The following ZBTB20 variants were observed in gnomAD, a reference collection of about 807,000 sequenced individuals.
ZBTB20 encodes the protein zinc finger and BTB domain containing 20.
Under a neutral mutation model 56.9 loss-of-function variants are expected in ZBTB20, and 9 were observed. The observed-to-expected ratio is 0.16, with a 90% CI of 0.10 to 0.28. The LOEUF is 0.28. ZBTB20 is among the 10% of genes least tolerant of loss of function. The pLI is 1.00. For synonymous variants in ZBTB20, 417 were observed against 420.7 expected, an observed-to-expected ratio of 0.99 and a Z score of 0.11; for missense variants, 655 against 1,003.0, an observed-to-expected ratio of 0.65 and a Z score of 4.69.
chr3:114,576,501 C>CAAAA (rs61714991), intron 6 of ZBTB20, among the ~76,000 whole-genome samples: 1 of 24,112 alleles, frequency 4.1e-5, no homozygotes, highest in Non-Finnish European at 7.7e-5. Flanking sequence ...GACTCCGTCT[C>CAAAA]AAAAAAAAAA....
chr3:114,578,225 AGTGT>A (rs1383151679), intron 6 of ZBTB20, among the ~76,000 whole-genome samples: 10 of 152,254 alleles, frequency 6.6e-5, no homozygotes, highest in African/African-American at 2.4e-4. Context: ...GAAAGAATTG[AGTGT>A]ATTGGAAGGT....
chr3:114,932,153 T>G (rs2076383100), intron 3 of ZBTB20, among the ~76,000 whole-genome samples: 1 of 152,226 alleles, frequency 6.6e-6, no homozygotes, highest in Non-Finnish European at 1.5e-5. Flanking sequence ...GCCAGGGCCT[T>G]TGCACTGATT....
intron 2 of ZBTB20, among the ~76,000 whole-genome samples, chr3:115,049,702 T>C (rs937935708): frequency 6.6e-6 from 1 of 152,092 alleles, no homozygotes; most frequent in Non-Finnish European, 1.5e-5. Flanking sequence ...AGGCAAACTG[T>C]TTAGTCAATG....
intron 6 of ZBTB20, among the ~76,000 whole-genome samples, chr3:114,643,781 C>G (rs1239368682): frequency 6.6e-6 from 1 of 152,038 alleles, no homozygotes; most frequent in Non-Finnish European, 1.5e-5. Context: ...ATTGGCATGA[C>G]TGAAGTACAG....
At chr3:115,097,460 TAA>T (rs967128587) in intron 1 of ZBTB20, among the ~76,000 whole-genome samples, 5 of 151,664 alleles carry the variant, frequency 3.3e-5, no homozygotes, top group African/African-American at 1.2e-4. Flanking sequence ...CTATTTTTTT[TAA>T]AAAAAATCTA....
chr3:115,007,222 A>G (rs2079510323), intron 2 of ZBTB20, among the ~76,000 whole-genome samples: 1 of 151,774 alleles, frequency 6.6e-6, no homozygotes, highest in African/African-American at 2.4e-5. Flanking sequence ...TGATAAAATC[A>G]AGTGAAATAT....
intron 5 of ZBTB20, among the ~76,000 whole-genome samples, chr3:114,753,771 C>G (rs1439035334): frequency 6.6e-6 from 1 of 151,966 alleles, no homozygotes; most frequent in African/African-American, 2.4e-5. Context: ...TGTTCCTTTC[C>G]TACCCCATTA....
intron 3 of ZBTB20, among the ~76,000 whole-genome samples, chr3:114,924,751 A>G (rs1479854387): frequency 2.0e-5 from 3 of 152,114 alleles, no homozygotes; most frequent in African/African-American, 7.2e-5. Flanking sequence ...TGTCAATTAA[A>G]TATTTTTAAA....
intron 8 of ZBTB20, among the ~76,000 whole-genome samples, chr3:114,386,800 A>G (rs2085189908): frequency 6.6e-6 from 1 of 152,098 alleles, no homozygotes; most frequent in Non-Finnish European, 1.5e-5. Flanking sequence ...ACTAATCAAC[A>G]TATGTGTTCT....
chr3:115,064,974 G>A (rs929619533), intron 2 of ZBTB20, among the ~76,000 whole-genome samples: 6 of 152,018 alleles, frequency 3.9e-5, no homozygotes, highest in Non-Finnish European at 1.5e-5. Context: ...CTTCCAAACT[G>A]GAACCTTTGG....
chr3:114,423,658 T>G (rs1034294864), intron 7 of ZBTB20, among the ~76,000 whole-genome samples: 2 of 152,166 alleles, frequency 1.3e-5, no homozygotes, highest in African/African-American at 4.8e-5. Context: ...TTGAGTTGAG[T>G]TATAAAATTA....
intron 3 of ZBTB20, among the ~76,000 whole-genome samples, chr3:114,907,619 C>T (rs1576293381): frequency 6.6e-6 from 1 of 151,910 alleles, no homozygotes; most frequent in East Asian, 1.9e-4. Context: ...GTCTATGTTC[C>T]CTGCAAGACC....
chr3:114,986,958 C>G (rs1037316700), intron 2 of ZBTB20, among the ~76,000 whole-genome samples: 10 of 152,214 alleles, frequency 6.6e-5, no homozygotes, highest in African/African-American at 1.9e-4. Context: ...GTACTCTATG[C>G]TTCTGACATC....
chr3:114,489,533 AT>A (rs1490658537), intron 7 of ZBTB20, among the ~76,000 whole-genome samples: 1 of 152,158 alleles, frequency 6.6e-6, no homozygotes, highest in Admixed American at 6.5e-5. Context: ...ATAATATTGA[AT>A]TAAAATGGGA....
intron 1 of ZBTB20, among the ~76,000 whole-genome samples, chr3:115,139,002 T>A (rs1432199053): frequency 6.6e-6 from 1 of 152,060 alleles, no homozygotes; most frequent in East Asian, 1.9e-4. Flanking sequence ...ATTATTTGCA[T>A]GCATTGAAGC....
chr3:114,510,126 A>G (rs1240086848), intron 6 of ZBTB20, among the ~76,000 whole-genome samples: 4 of 152,190 alleles, frequency 2.6e-5, no homozygotes, highest in Non-Finnish European at 4.4e-5. Flanking sequence ...TGAGACCTCA[A>G]AAATAAGGCT....
chr3:114,614,310 G>T (rs184126068), intron 6 of ZBTB20, among the ~76,000 whole-genome samples: 2 of 151,038 alleles, frequency 1.3e-5, no homozygotes, highest in Non-Finnish European at 2.9e-5. Flanking sequence ...ATATATCAGA[G>T]ATTTGGCTCT....
intron 6 of ZBTB20, among the ~76,000 whole-genome samples, chr3:114,602,009 T>C (rs1404879075): frequency 6.6e-6 from 1 of 152,016 alleles, no homozygotes; most frequent in East Asian, 1.9e-4. Flanking sequence ...CTCTGGTCTT[T>C]AGGCTCCACA....
chr3:115,145,612 A>C (rs1489128239), intron 1 of ZBTB20, among the ~76,000 whole-genome samples: 32 of 152,154 alleles, frequency 2.1e-4, no homozygotes, highest in Non-Finnish European at 8.8e-5. Context: ...CCCACACCCA[A>C]AATATTTTTG....
Sources: gnomAD v4.1 joint callset for allele counts (sites outside exome capture counted in the v4.1 genomes callset) on GRCh38, gnomAD v4.1.1 for gene constraint, MANE v1.5 for transcripts, NCBI Gene and HGNC (gene_info 2026-07-23, HGNC 2026-07-21) for gene names.